The following SPON1 variants were observed in gnomAD, a reference collection of about 807,000 sequenced individuals.
The protein encoded by SPON1 is spondin-1.
SPON1 carries 52 observed loss-of-function variants against 111.7 expected under a neutral mutation model. The ratio of observed to expected loss-of-function variants is 0.47; its 90% CI spans 0.37 to 0.59. The LOEUF is 0.59. Ranked by LOEUF, SPON1 falls within the 20% of genes least tolerant of loss-of-function variation. The pLI, the probability that SPON1 is intolerant of heterozygous loss-of-function variation, is 0.00. For missense variants in SPON1, 957 were observed against 1,068.5 expected (o/e 0.90, Z 1.46); for synonymous variants, 410 against 395.8 (o/e 1.04, Z -0.43).
In SPON1 at chr11:14,071,946, A is replaced by G. The variant is rs550779714; in HGVS notation, c.480-3399A>G. Reference sequence around the variant, plus strand: ...ACTCCTGACCTCAAGTGATCCATCTATCTCAGCCTCCCAAAGTGCTGGGAT... The same window carrying G: ...ACTCCTGACCTCAAGTGATCCATCTGTCTCAGCCTCCCAAAGTGCTGGGAT... On this transcript the variant is annotated intron_variant, in intron 3 of 15. Transcript: ENST00000576479. Among the ~76,000 whole-genome samples, 13 of 152,236 alleles carry G rather than the reference A, an allele frequency of 8.5e-5. 1 individual carries two copies. The highest frequency in any genetic ancestry group is 7.2e-4 in the Admixed American group (11 of 15,298).
intron 3 of SPON1, among the ~76,000 whole-genome samples, chr11:14,067,008 A>C (rs1001621544): frequency 6.6e-6 from 1 of 151,950 alleles, no homozygotes; most frequent in African/African-American, 2.4e-5. Flanking sequence ...CCCCATCTAT[A>C]CCAAAAAAAA....
chr11:14,193,063 T>C (rs1848365453), intron 6 of SPON1, among the ~76,000 whole-genome samples: 1 of 152,144 alleles, frequency 6.6e-6, no homozygotes, highest in Non-Finnish European at 1.5e-5. Flanking sequence ...TCTAAACTCG[T>C]GCACCAGCAG....
intron 3 of SPON1, among the ~76,000 whole-genome samples, chr11:14,054,158 TC>T (rs1848727860): frequency 6.6e-6 from 1 of 152,236 alleles, no homozygotes; most frequent in South Asian, 2.1e-4. Context: ...GCTACATTTT[TC>T]CTTGGGCATT....
intron 1 of SPON1, among the ~76,000 whole-genome samples, chr11:13,965,188 G>A (rs1281232808): frequency 6.6e-6 from 1 of 152,144 alleles, no homozygotes; most frequent in African/African-American, 2.4e-5. Flanking sequence ...GGTTTCCTCA[G>A]CTCTCCTCCA....
At chr11:14,075,711 T>C (rs1314714174) in intron 4 of SPON1, among the ~76,000 whole-genome samples, 1 of 152,200 alleles carries the variant, frequency 6.6e-6, no homozygotes, top group African/African-American at 2.4e-5. Flanking sequence ...CTTGGAATAA[T>C]TCACAGGACT....
At chr11:14,179,226 C>T (rs1420475326) in intron 6 of SPON1, among the ~76,000 whole-genome samples, 1 of 152,136 alleles carries the variant, frequency 6.6e-6, no homozygotes, top group Non-Finnish European at 1.5e-5. Flanking sequence ...GTTTATCTTA[C>T]TTGGGCAATT....
intron 2 of SPON1, among the ~76,000 whole-genome samples, chr11:13,990,108 T>C (rs1414333713): frequency 6.6e-6 from 1 of 152,088 alleles, no homozygotes; most frequent in Non-Finnish European, 1.5e-5. Context: ...CCTTGTTAAT[T>C]TTCTATCTCA....
In SPON1 at chr11:14,228,420, A is replaced by C. The variant is rs1293897563; in HGVS notation, c.826-14912A>C. Among the ~76,000 whole-genome samples the C allele has an allele frequency of 1.3e-5, 2 of 152,192 alleles. No individual in the cohort carries two copies. The highest frequency in any genetic ancestry group is 6.5e-5 in the Admixed American group (1 of 15,280). ...AAGTTACCAAAGAATGTTCTTGGGA[A>C]CCACAGCTGTGGGAGGCAGGGGAAG... On this transcript the variant is annotated intron_variant, in intron 6 of 15. Transcript: ENST00000576479. This position sits in a 1 kb window ranked among gnomAD's most constrained non-coding sequence, Gnocchi z 4.2.
intron 5 of SPON1, among the ~76,000 whole-genome samples, chr11:14,092,792 A>G (rs1554923538): frequency 6.6e-6 from 1 of 152,186 alleles, no homozygotes; most frequent in Non-Finnish European, 1.5e-5. Flanking sequence ...TTATCATGTA[A>G]GTTTTACTTC....
At chr11:13,981,964 A>G (rs2133780787) in intron 1 of SPON1, among the ~76,000 whole-genome samples, 1 of 152,316 alleles carries the variant, frequency 6.6e-6, no homozygotes, top group South Asian at 2.1e-4. Context: ...AGAGTATAGC[A>G]GTACTCCCTT....
chr11:14,150,584 ATG>A (rs1452974394), intron 6 of SPON1, among the ~76,000 whole-genome samples: 1 of 152,184 alleles, frequency 6.6e-6, no homozygotes, highest in East Asian at 1.9e-4. Context: ...GTACAAAACT[ATG>A]TGTCAACTAA....
intron 5 of SPON1, among the ~76,000 whole-genome samples, chr11:14,123,389 G>A (rs1009235043): frequency 6.6e-6 from 1 of 152,138 alleles, no homozygotes; most frequent in Non-Finnish European, 1.5e-5. Flanking sequence ...CTGTGTTGGG[G>A]TAAGTCTAGA....
intron 7 of SPON1, among the ~76,000 whole-genome samples, chr11:14,249,049 C>A (rs1192115265): frequency 6.6e-6 from 1 of 152,238 alleles, no homozygotes; most frequent in Non-Finnish European, 1.5e-5. Flanking sequence ...CCTCCAATTG[C>A]ATCTGAATGC....
intron 5 of SPON1, among the ~76,000 whole-genome samples, chr11:14,107,121 AG>A (rs1332437894): frequency 6.6e-6 from 1 of 152,176 alleles, no homozygotes; most frequent in Non-Finnish European, 1.5e-5. Context: ...AACAATGAAA[AG>A]CAGAAGGCTT....
At chr11:14,235,901 C>T (rs1019500756) in intron 6 of SPON1, among the ~76,000 whole-genome samples, 4 of 152,110 alleles carry the variant, frequency 2.6e-5, no homozygotes, top group African/African-American at 9.7e-5. Context: ...TCTGGGAGAA[C>T]AGCATTCCAG....
intron 2 of SPON1, among the ~76,000 whole-genome samples, chr11:14,013,268 C>T (rs1969542): frequency 0.66 from 100,478 of 151,930 alleles, 33,512 homozygotes; most frequent in East Asian, 0.79. Context: ...TCTCTCTGCT[C>T]GGCCTTGTCT....
chr11:14,114,642 C>A (rs1299839737), intron 5 of SPON1, among the ~76,000 whole-genome samples: 2 of 152,180 alleles, frequency 1.3e-5, no homozygotes, highest in Non-Finnish European at 2.9e-5. Flanking sequence ...GTTTGCTTGC[C>A]ACCCTTTCAT....
intron 6 of SPON1, among the ~76,000 whole-genome samples, chr11:14,180,717 C>T (rs905611143): frequency 6.6e-6 from 1 of 152,256 alleles, no homozygotes; most frequent in East Asian, 1.9e-4. Flanking sequence ...AGGGAGTTGA[C>T]GCATGTCTGT....
At chr11:14,160,901 ATATTTATATATATATT>A (rs1554931096) in intron 6 of SPON1, among the ~76,000 whole-genome samples, 20 of 56,950 alleles carry the variant, frequency 3.5e-4, no homozygotes, top group African/African-American at 1.3e-3. Context: ...ATATATTTAT[ATATTTATATATATATT>A]TATATATTTA....
Sources: gnomAD v4.1 joint callset for allele counts (sites outside exome capture counted in the v4.1 genomes callset) on GRCh38, gnomAD v4.1.1 for gene constraint, Gnocchi (gnomAD v3.1) non-coding constraint, MANE v1.5 for transcripts, NCBI Gene and HGNC (gene_info 2026-07-23, HGNC 2026-07-21) for gene names.